Variants in TGFB1 observed in about 807,000 individuals in gnomAD.
TGFB1 encodes the protein transforming growth factor beta-1 proprotein.
Under a neutral mutation model 43.8 loss-of-function variants are expected in TGFB1, and 19 were observed. The ratio of observed to expected loss-of-function variants is 0.43; its 90% CI spans 0.30 to 0.64. The LOEUF is 0.64. Ranked by LOEUF, TGFB1 falls within the 30% of genes least tolerant of loss-of-function variation. TGFB1 has a pLI of 0.11. For missense variants in TGFB1, 445 were observed against 529.8 expected (o/e 0.84, Z 1.57); for synonymous variants, 221 against 236.3 (o/e 0.94, Z 0.60).
At chr19:41,342,704 TG>T (rs1241259492) in intron 3 of TGFB1, among the ~76,000 whole-genome samples, 1 of 151,926 alleles carries the variant, frequency 6.6e-6, no homozygotes, top group East Asian at 1.9e-4. Context: ...TTAGTAGAGA[TG>T]GGGTTTCACC....
intron 5 of TGFB1, 37 bp from the exon 6 acceptor site, chr19:41,332,318 G>A: frequency 1.2e-6 from 2 of 1,601,318 alleles, no homozygotes; most frequent in South Asian, 1.1e-5. Flanking sequence ...GCAGGGAGGG[G>A]CTACCACCAT....
chr19:41,347,285 A>C (rs2038126657), intron 2 of TGFB1, among the ~76,000 whole-genome samples: 1 of 152,168 alleles, frequency 6.6e-6, no homozygotes, highest in Non-Finnish European at 1.5e-5. Context: ...GGCTTCCCAA[A>C]GTTCTGGGAT....
intron 5 of TGFB1, among the ~76,000 whole-genome samples, chr19:41,338,468 C>G (rs184784334): frequency 6.6e-6 from 1 of 150,874 alleles, no homozygotes; most frequent in African/African-American, 2.4e-5. Context: ...TACACTCCAG[C>G]CTGAGTGACA....
intron 5 of TGFB1, among the ~76,000 whole-genome samples, chr19:41,338,927 G>A (rs2038021177): frequency 5.3e-5 from 8 of 151,948 alleles, no homozygotes; most frequent in Admixed American, 4.6e-4. Context: ...AGTTTTTGGG[G>A]AGTCAAAACT....
Position 41,352,964 on chromosome 19 carries a change from G to C in TGFB1, c.81C>G (p.Ala27=), listed in dbSNP as rs777746049. The change falls in exon 1 of 7, where the codon GCC becomes GCG. Residue 27 remains alanine, a synonymous_variant. Coordinates refer to ENST00000221930, the MANE Select transcript of TGFB1 (RefSeq NM_000660.7). ...WLLVLTPGRP[A]AGLSTCKTID... is the part of the protein sequence containing the mutation. ...TAGTCTTGCAGGTGGATAGTCCCGCGGCCGGCCGGCCAGGCGTCAGCACCA... is the reference window on the plus strand; with the variant it reads ...TAGTCTTGCAGGTGGATAGTCCCGCCGCCGGCCGGCCAGGCGTCAGCACCA... 2 of 1,545,946 alleles carry C rather than the reference G, an allele frequency of 1.3e-6. No individual in the cohort carries two copies. The highest frequency in any genetic ancestry group is 1.9e-5 in the Admixed American group (1 of 51,324).
At chr19:41,335,281 T>C (rs371772232) in intron 5 of TGFB1, among the ~76,000 whole-genome samples, 179 of 152,206 alleles carry the variant, frequency 1.2e-3, no homozygotes, top group African/African-American at 4.0e-3. Context: ...CTCAAACTCC[T>C]GACCTCAGGT....
At chr19:41,335,461 C>G (rs140491174) in intron 5 of TGFB1, among the ~76,000 whole-genome samples, 1 of 152,174 alleles carries the variant, frequency 6.6e-6, no homozygotes, top group Non-Finnish European at 1.5e-5. Flanking sequence ...CACGTGAGCT[C>G]CCAGGACCAG....
rs922730012 is a variant in TGFB1, at chr19:41,353,912, G to C, written c.-868C>G. The C allele has an allele frequency of 3.1e-5, 7 of 222,966 alleles. No homozygotes were observed. In the East Asian group the frequency reaches 6.2e-4, roughly 20 times the overall value. The allele number at this position is 222,966 out of a possible 1,614,324, so 13.8% of individuals were successfully genotyped here. A position where few individuals can be genotyped will look rare whatever the true frequency, so the allele number is the denominator to read the frequency against. On this transcript the variant is annotated 5_prime_UTR_variant, in exon 1 of 7. Coordinates refer to ENST00000221930, the MANE Select transcript of TGFB1 (RefSeq NM_000660.7). This position sits in a 1 kb window ranked among gnomAD's most constrained non-coding sequence, Gnocchi z 5.9. ...AGGGAGATGGCCCAGGGCGCGAAGGGCGGCGGCGGCGGGGACCGGCTGGGT... is the reference window on the plus strand; with the variant it reads ...AGGGAGATGGCCCAGGGCGCGAAGGCCGGCGGCGGCGGGGACCGGCTGGGT...
intron 5 of TGFB1, among the ~76,000 whole-genome samples, chr19:41,339,102 A>G (rs1447866160): frequency 2.0e-5 from 3 of 149,378 alleles, no homozygotes; most frequent in Non-Finnish European, 4.4e-5. Context: ...TAGGATCTAC[A>G]GTCCTGATCA....
intron 1 of TGFB1, among the ~76,000 whole-genome samples, chr19:41,352,412 C>G (rs1194769764): frequency 2.9e-5 from 4 of 139,820 alleles, no homozygotes; most frequent in Non-Finnish European, 6.1e-5. Flanking sequence ...TTGTCTCCCT[C>G]TAGGGGACTG....
intron 2 of TGFB1, among the ~76,000 whole-genome samples, chr19:41,346,661 G>A (rs758239472): frequency 1.3e-4 from 20 of 152,314 alleles, no homozygotes; most frequent in Admixed American, 8.5e-4. Flanking sequence ...ATCCAAAATA[G>A]TAGCTGCTAA....
At chr19:41,331,278 A>G (rs1599881831) in intron 6 of TGFB1, 68 bp from the exon 7 acceptor site, 1 of 1,429,364 alleles carries the variant, frequency 7.0e-7, no homozygotes, top group African/African-American at 1.5e-5. Context: ...CCACTGCCCC[A>G]TCCCCCACCC....
At chr19:41,343,496 A>C (rs2038082336) in intron 3 of TGFB1, among the ~76,000 whole-genome samples, 1 of 151,482 alleles carries the variant, frequency 6.6e-6, no homozygotes, top group Non-Finnish European at 1.5e-5. Context: ...CCACACAATC[A>C]CCCTCACCCA....
intron 2 of TGFB1, among the ~76,000 whole-genome samples, chr19:41,346,605 C>T (rs1013436794): frequency 1.3e-5 from 2 of 152,224 alleles, no homozygotes; most frequent in African/African-American, 2.4e-5. Context: ...TCTTCTAGAG[C>T]AGTGCTGTCC....
At chr19:41,348,822 C>A (rs1184017530) in intron 1 of TGFB1, among the ~76,000 whole-genome samples, 2 of 151,796 alleles carry the variant, frequency 1.3e-5, no homozygotes, top group African/African-American at 4.8e-5. Context: ...TGGGGTTTCA[C>A]CATGTTGGCC....
chr19:41,351,130 T>C (rs1022851652), intron 1 of TGFB1: 3 of 152,272 alleles, frequency 2.0e-5, no homozygotes, highest in African/African-American at 4.8e-5. Flanking sequence ...TGTGCATTTG[T>C]TGGGGAGAAG....
At position 41,339,111 on chromosome 19, in the gene TGFB1, C is replaced by G. The variant is rs928892451; in HGVS notation, c.860+2772G>C. On this transcript the variant is annotated intron_variant, in intron 5 of 6. Transcript: ENST00000221930. Reference sequence around the variant, plus strand: ...AACTGTTAGGATCTACAGTCCTGATCAGATTCAGGTTTGATTTTTTTTTTT... The same window carrying G: ...AACTGTTAGGATCTACAGTCCTGATGAGATTCAGGTTTGATTTTTTTTTTT... Among the ~76,000 whole-genome samples, 3 of 149,074 alleles carry G rather than the reference C, an allele frequency of 2.0e-5. 1 individual carries two copies.
Position 41,352,829 on chromosome 19 carries a change from C to G in TGFB1, c.216G>C (p.Pro72=). 6.3e-7 allele frequency: 1 copy of G among 1,579,974 alleles called. No individual in the cohort carries two copies. The highest frequency in any genetic ancestry group is 8.6e-7 in the Non-Finnish European group (1 of 1,164,580). ...ACAGGGCGAGCACGGCCTCGGGCAG[C>G]GGGCCGGGCGGCACCTCCCCCTGGC... ...PPSQGEVPPG[P]LPEAVLALYN... Residue 72 remains proline, a synonymous_variant, in exon 1 of 7, where the codon CCG becomes CCC. Coordinates refer to ENST00000221930, the MANE Select transcript of TGFB1 (RefSeq NM_000660.7).
chr19:41,348,520 C>T, intron 1 of TGFB1, 65 bp from the exon 2 acceptor site: 1 of 1,578,646 alleles, frequency 6.3e-7, no homozygotes, highest in Non-Finnish European at 8.7e-7. Flanking sequence ...CTGGTGCTCC[C>T]AACTCTAGGA....
Sources: allele counts gnomAD v4.1 joint callset (sites outside exome capture counted in the v4.1 genomes callset), GRCh38; gene constraint gnomAD v4.1.1; non-coding constraint Gnocchi (gnomAD v3.1); transcripts MANE v1.5; gene names NCBI Gene and HGNC (gene_info 2026-07-23, HGNC 2026-07-21).